MACROD2: variants seen among roughly 807,000 people sequenced by gnomAD.
MACROD2 encodes the protein mono-ADP ribosylhydrolase 2.
In MACROD2, 36 loss-of-function variants were observed where a neutral mutation model predicts 70.4. That is an observed-to-expected ratio of 0.51 (90% confidence interval 0.39 to 0.68). The LOEUF (loss-of-function observed/expected upper bound fraction) is 0.68, where lower values mean the gene tolerates loss of function less well. Among genes scored for constraint, MACROD2 ranks in the 30% least tolerant of loss-of-function variants. MACROD2 has a pLI of 0.00. For synonymous variants in MACROD2, 172 were observed against 178.8 expected (o/e 0.96, Z 0.30); for missense variants, 496 against 538.4 (o/e 0.92, Z 0.78).
At chr20:14,771,629 A>G (rs554750606) in intron 5 of MACROD2, among the ~76,000 whole-genome samples, 4 of 149,176 alleles carry the variant, frequency 2.7e-5, no homozygotes, top group Admixed American at 2.0e-4. Context: ...TTTCTTTGTA[A>G]TATTTATCCA....
intron 5 of MACROD2, chr20:14,758,050 T>A: frequency 1.6e-6 from 1 of 629,514 alleles, no homozygotes; most frequent in Non-Finnish European, 2.9e-6. Context: ...GTCGGCCACC[T>A]CAATAAATTT....
chr20:14,160,352 G>A (rs181697514), intron 3 of MACROD2, among the ~76,000 whole-genome samples: 4 of 152,160 alleles, frequency 2.6e-5, no homozygotes, highest in Non-Finnish European at 2.9e-5. Context: ...ATTTGGTCCC[G>A]GACTTTTCTT....
intron 5 of MACROD2, among the ~76,000 whole-genome samples, chr20:15,028,826 G>GA (rs987113126): frequency 1.6e-4 from 24 of 151,510 alleles, no homozygotes; most frequent in East Asian, 3.9e-4. Flanking sequence ...AGAATAACTA[G>GA]AAAAAAAAAT....
chr20:15,569,842 T>C (rs1385519896), intron 8 of MACROD2, among the ~76,000 whole-genome samples: 3 of 152,196 alleles, frequency 2.0e-5, no homozygotes, highest in Non-Finnish European at 4.4e-5. Context: ...GGCTGAATAG[T>C]ATTCCATTGT....
chr20:15,765,138 A>G (rs751451029), intron 8 of MACROD2, among the ~76,000 whole-genome samples: 3 of 152,120 alleles, frequency 2.0e-5, no homozygotes, highest in Non-Finnish European at 4.4e-5. Flanking sequence ...TCCATGCTCT[A>G]TAGGCTCTTA....
chr20:15,669,207 G>A (rs528080852), intron 8 of MACROD2, among the ~76,000 whole-genome samples: 2 of 152,316 alleles, frequency 1.3e-5, no homozygotes, highest in South Asian at 4.1e-4. Flanking sequence ...TGAGGTCAAA[G>A]TACGAATATA....
At chr20:15,391,932 T>C (rs2045798147) in intron 6 of MACROD2, among the ~76,000 whole-genome samples, 1 of 151,804 alleles carries the variant, frequency 6.6e-6, no homozygotes, top group Non-Finnish European at 1.5e-5. Context: ...TATTATTTAA[T>C]GTAAGTCAGC....
rs566127610 is a variant in MACROD2, at chr20:15,608,786, C to A, written c.645+108939C>A. Among the ~76,000 whole-genome samples, 42 of 152,212 alleles carry A rather than the reference C, an allele frequency of 2.8e-4. 1 individual carries two copies. In the South Asian group the frequency reaches 7.9e-3, roughly 29 times the overall value. Reference sequence around the variant, plus strand: ...TTGAAGTCCTGTTTAACTTTAGATACCTGTGCTTGTGTTCTTTTAAGTTGC... The same window carrying A: ...TTGAAGTCCTGTTTAACTTTAGATAACTGTGCTTGTGTTCTTTTAAGTTGC... On this transcript the variant is annotated intron_variant, in intron 8 of 17. Coordinates refer to ENST00000684519, the MANE Select transcript of MACROD2 (RefSeq NM_001351661.2).
intron 2 of MACROD2, among the ~76,000 whole-genome samples, chr20:14,055,914 T>C (rs747411256): frequency 3.9e-5 from 6 of 152,140 alleles, no homozygotes; most frequent in Non-Finnish European, 5.9e-5. Flanking sequence ...AGGGTCCTCA[T>C]TGGATATATA....
At chr20:14,798,202 C>T (rs6074800) in intron 5 of MACROD2, among the ~76,000 whole-genome samples, 1 of 151,974 alleles carries the variant, frequency 6.6e-6, no homozygotes, top group African/African-American at 2.4e-5. Context: ...ACTCATAAAC[C>T]TGATTTCATT....
intron 8 of MACROD2, among the ~76,000 whole-genome samples, chr20:15,654,257 C>G (rs1339097450): frequency 6.6e-6 from 1 of 152,106 alleles, no homozygotes; most frequent in African/African-American, 2.4e-5. Context: ...ACTTCTAACC[C>G]CATTTACTTA....
chr20:14,146,637 A>G (rs1231216336), intron 3 of MACROD2, among the ~76,000 whole-genome samples: 1 of 152,120 alleles, frequency 6.6e-6, no homozygotes, highest in African/African-American at 2.4e-5. Flanking sequence ...CTACTTTAAC[A>G]CCTACTTTTC....
chr20:15,910,323 T>G (rs1035366801), intron 10 of MACROD2, among the ~76,000 whole-genome samples: 2 of 152,220 alleles, frequency 1.3e-5, no homozygotes, highest in Admixed American at 1.3e-4. Flanking sequence ...TATGAAAATT[T>G]GCATTTTGAA....
chr20:14,862,620 T>TATATGTATAAATATATATATAAATATAA lies in MACROD2; in HGVS notation c.418+177665_418+177666insGTATAAATATATATATAAATATAAATAT, dbSNP rs1568841339. On this transcript the variant is annotated intron_variant, in intron 5 of 17. Coordinates refer to ENST00000684519, the MANE Select transcript of MACROD2 (RefSeq NM_001351661.2). Reference sequence around the variant, plus strand: ...ATATAAATATAAATATATATAAATATATATATATAAATATATATATAAATA... The same window carrying TATATGTATAAATATATATATAAATATAA: ...ATATAAATATAAATATATATAAATATATATGTATAAATATATATATAAATATAAATATATATAAATATATATATAAATA... Among the ~76,000 whole-genome samples the TATATGTATAAATATATATATAAATATAA allele has an allele frequency of 3.4e-4, 6 of 17,682 alleles. 1 individual carries two copies. Among genetic ancestry groups the TATATGTATAAATATATATATAAATATAA allele is most frequent in the Non-Finnish European group, 3.2e-4 (3 of 9,286 alleles). 11.6% of individuals were successfully genotyped at this position (17,682 alleles called of 152,430 possible).
At chr20:15,030,493 A>G (rs2075266227) in intron 5 of MACROD2, among the ~76,000 whole-genome samples, 1 of 152,178 alleles carries the variant, frequency 6.6e-6, no homozygotes, top group Non-Finnish European at 1.5e-5. Flanking sequence ...CCAGAAATGC[A>G]CAGCAGCATT....
chr20:15,097,473 A>G (rs2075842373), intron 5 of MACROD2, among the ~76,000 whole-genome samples: 1 of 152,196 alleles, frequency 6.6e-6, no homozygotes, highest in South Asian at 2.1e-4. Context: ...ATATAGCATA[A>G]CAGATGTCTT....
chr20:15,223,495 A>G (rs1002380215), intron 5 of MACROD2, among the ~76,000 whole-genome samples: 4 of 152,180 alleles, frequency 2.6e-5, no homozygotes, highest in Non-Finnish European at 5.9e-5. Context: ...AGTCATTTCT[A>G]TCTAGGGGCT....
intron 5 of MACROD2, among the ~76,000 whole-genome samples, chr20:14,940,178 T>TAAAAAAAAA (rs1433978640): frequency 9.8e-6 from 1 of 102,082 alleles, no homozygotes; most frequent in Non-Finnish European, 2.2e-5. Context: ...AAAAAAAAAT[T>TAAAAAAAAA]AAAAAGTTAG....
intron 6 of MACROD2, among the ~76,000 whole-genome samples, chr20:15,352,064 G>A (rs886988136): frequency 4.6e-5 from 7 of 152,182 alleles, no homozygotes; most frequent in South Asian, 2.1e-4. Flanking sequence ...TGGCCTTGAA[G>A]CTGAAGCTCA....
Sources: allele counts gnomAD v4.1 joint callset (sites outside exome capture counted in the v4.1 genomes callset), GRCh38; gene constraint gnomAD v4.1.1; transcripts MANE v1.5; gene names NCBI Gene and HGNC (gene_info 2026-07-23, HGNC 2026-07-21).